DACH1: variants seen among roughly 807,000 people sequenced by gnomAD.
The protein encoded by DACH1 is dachshund homolog 1.
Under a neutral mutation model 54.2 loss-of-function variants are expected in DACH1, and 12 were observed. That is an observed-to-expected ratio of 0.22 (90% CI 0.14 to 0.36). DACH1 has a LOEUF of 0.36. DACH1 is among the 10% of genes least tolerant of loss of function. The pLI, the probability that DACH1 is intolerant of heterozygous loss-of-function variation, is 1.00. For synonymous variants in DACH1, 386 were observed against 366.2 expected, an observed-to-expected ratio of 1.05 and a Z score of -0.62; for missense variants, 805 against 929.8, an observed-to-expected ratio of 0.87 and a Z score of 1.75.
chr13:71,818,725 C>A (rs1189966347), intron 1 of DACH1, among the ~76,000 whole-genome samples: 3 of 152,130 alleles, frequency 2.0e-5, no homozygotes, highest in African/African-American at 7.2e-5. Flanking sequence ...AGTTAGCAAA[C>A]AAACAAAAAG....
rs187407248 is a variant in DACH1 at position 71,486,746 on chromosome 13, A to G, written c.1722+2251T>C. Among the ~76,000 whole-genome samples the G allele has an allele frequency of 3.3e-5, 5 of 152,318 alleles. No homozygotes were observed. In the East Asian group the frequency reaches 9.6e-4, roughly 29 times the overall value. ...ATATAAATATATGATAACTGCATCT[A>G]TATATACACATACATATAAGTAAGA... On this transcript the variant is annotated intron_variant, in intron 7 of 10. Coordinates refer to ENST00000613252, the MANE Select transcript of DACH1 (RefSeq NM_080759.6).
intron 6 of DACH1, among the ~76,000 whole-genome samples, chr13:71,518,404 T>A (rs972119191): frequency 6.6e-6 from 1 of 151,764 alleles, no homozygotes; most frequent in Non-Finnish European, 1.5e-5. Flanking sequence ...AAAAAAAATC[T>A]GTTGTTTAAC....
intron 1 of DACH1, among the ~76,000 whole-genome samples, chr13:71,843,101 TG>T (rs1208869172): frequency 1.3e-5 from 2 of 152,170 alleles, no homozygotes; most frequent in African/African-American, 4.8e-5. Flanking sequence ...TTAATTTTTA[TG>T]GGTATGTAGT....
intron 1 of DACH1, among the ~76,000 whole-genome samples, chr13:71,795,486 T>A (rs1887008292): frequency 6.6e-6 from 1 of 152,120 alleles, no homozygotes; most frequent in African/African-American, 2.4e-5. Context: ...GGCTGGTAAC[T>A]CTTTGTCTAT....
intron 10 of DACH1, among the ~76,000 whole-genome samples, chr13:71,467,573 ATGT>A (rs1468993115): frequency 6.6e-6 from 1 of 151,798 alleles, no homozygotes; most frequent in Non-Finnish European, 1.5e-5. Context: ...ATTTTATAAA[ATGT>A]TAACATTTAT....
At chr13:71,810,994 C>A (rs770363519) in intron 1 of DACH1, among the ~76,000 whole-genome samples, 11 of 152,016 alleles carry the variant, frequency 7.2e-5, no homozygotes, top group Admixed American at 7.2e-4. Flanking sequence ...TGAACCAGAA[C>A]ATTTTTTTTC....
At chr13:71,596,158 T>C (rs1874080340) in intron 3 of DACH1, among the ~76,000 whole-genome samples, 1 of 152,186 alleles carries the variant, frequency 6.6e-6, no homozygotes, top group Admixed American at 6.5e-5. Context: ...CCTCAAATTA[T>C]GAACTTATTT....
intron 10 of DACH1, among the ~76,000 whole-genome samples, chr13:71,453,150 G>A (rs538169424): frequency 9.4e-4 from 143 of 152,256 alleles, no homozygotes; most frequent in South Asian, 5.0e-3. Flanking sequence ...TCCTGATTGG[G>A]AGGTGAGACC....
At chr13:71,850,753 C>T (rs908057734) in intron 1 of DACH1, among the ~76,000 whole-genome samples, 5 of 152,162 alleles carry the variant, frequency 3.3e-5, no homozygotes, top group Admixed American at 2.6e-4. Flanking sequence ...TGGCCACTGT[C>T]TTTGAGTCAC....
chr13:71,483,873 G>A (rs926747286), intron 7 of DACH1, among the ~76,000 whole-genome samples: 3 of 152,064 alleles, frequency 2.0e-5, no homozygotes, highest in African/African-American at 7.2e-5. Context: ...ACATAGCCTA[G>A]GAGCAATAGG....
chr13:71,812,277 G>GA (rs1887741395), intron 1 of DACH1, among the ~76,000 whole-genome samples: 1 of 152,142 alleles, frequency 6.6e-6, no homozygotes, highest in Non-Finnish European at 1.5e-5. Flanking sequence ...CTCCCTTACA[G>GA]AATGTATCAG....
At chr13:71,806,985 G>T (rs1205281241) in intron 1 of DACH1, among the ~76,000 whole-genome samples, 4 of 152,256 alleles carry the variant, frequency 2.6e-5, no homozygotes, top group Non-Finnish European at 5.9e-5. Flanking sequence ...ACCATCATAG[G>T]CTTCTTGCAC....
intron 1 of DACH1, among the ~76,000 whole-genome samples, chr13:71,852,816 TTTC>T (rs1428736452): frequency 6.6e-6 from 1 of 152,174 alleles, no homozygotes; most frequent in Non-Finnish European, 1.5e-5. Context: ...GAAAGACACT[TTTC>T]TTTGGATTTC....
At chr13:71,473,501 T>C (rs1381871982) in intron 10 of DACH1, among the ~76,000 whole-genome samples, 1 of 152,208 alleles carries the variant, frequency 6.6e-6, no homozygotes, top group Non-Finnish European at 1.5e-5. Flanking sequence ...TTTACCTATA[T>C]TAAAATGTAT....
intron 6 of DACH1, among the ~76,000 whole-genome samples, chr13:71,522,159 C>T (rs996862689): frequency 1.3e-5 from 2 of 152,062 alleles, no homozygotes; most frequent in African/African-American, 4.8e-5. Flanking sequence ...TATTCATAAG[C>T]AGAGAGCTTT....
chr13:71,530,408 A>C (rs1257793400), intron 6 of DACH1, among the ~76,000 whole-genome samples: 1 of 152,218 alleles, frequency 6.6e-6, no homozygotes, highest in Non-Finnish European at 1.5e-5. Flanking sequence ...TCTTTGTTAA[A>C]AGAAAGTTAC....
At chr13:71,697,497 G>A (rs959999328) in intron 1 of DACH1, among the ~76,000 whole-genome samples, 2 of 152,190 alleles carry the variant, frequency 1.3e-5, no homozygotes, top group African/African-American at 4.8e-5. Flanking sequence ...AAATGATGTG[G>A]TTGGAAACAG....
At chr13:71,804,275 T>A (rs868345644) in intron 1 of DACH1, among the ~76,000 whole-genome samples, 5 of 152,300 alleles carry the variant, frequency 3.3e-5, no homozygotes, top group Middle Eastern at 3.4e-3. Context: ...TTCGTACTAC[T>A]GGACTCCAGC....
intron 10 of DACH1, among the ~76,000 whole-genome samples, chr13:71,449,156 T>G (rs1412806762): frequency 6.6e-6 from 1 of 151,920 alleles, no homozygotes; most frequent in Non-Finnish European, 1.5e-5. Context: ...CAAAACCCTG[T>G]CTCTACTAAA....
Sources: gnomAD v4.1 joint callset for allele counts (sites outside exome capture counted in the v4.1 genomes callset) on GRCh38, gnomAD v4.1.1 for gene constraint, MANE v1.5 for transcripts, NCBI Gene and HGNC (gene_info 2026-07-23, HGNC 2026-07-21) for gene names.